MYCBPAP: variants seen among roughly 807,000 people sequenced by gnomAD.
MYCBPAP encodes the protein MYCBP-associated protein.
Under a neutral mutation model 106.1 loss-of-function variants are expected in MYCBPAP, and 60 were observed. The observed-to-expected ratio is 0.57, with a 90% CI of 0.46 to 0.70. The LOEUF is 0.70. Among genes scored for constraint, MYCBPAP ranks in the 30% least tolerant of loss-of-function variants. MYCBPAP has a pLI of 0.00. For missense variants in MYCBPAP, 1,064 were observed against 1,169.3 expected, an observed-to-expected ratio of 0.91 and a Z score of 1.31; for synonymous variants, 407 against 440.6, an observed-to-expected ratio of 0.92 and a Z score of 0.95.
intron 5 of MYCBPAP, 120 bp from the exon 6 acceptor site, chr17:50,518,854 C>A: frequency 1.4e-6 from 2 of 1,450,414 alleles, no homozygotes; most frequent in Non-Finnish European, 1.9e-6. Flanking sequence ...GAGTGTCTCA[C>A]TCTGAAGCTT....
chr17:50,519,196 G>C, intron 6 of MYCBPAP, 107 bp downstream of exon 6: 1 of 758,790 alleles, frequency 1.3e-6, no homozygotes, highest in Non-Finnish European at 2.2e-6. Flanking sequence ...CACAGCTGGG[G>C]AGAAAAAACC....
intron 1 of MYCBPAP, 76 bp downstream of exon 1, chr17:50,508,826 G>A (rs2033715223): frequency 6.9e-6 from 9 of 1,306,630 alleles, no homozygotes; most frequent in African/African-American, 5.9e-5. Context: ...CAGGACACGG[G>A]GCCTGGAGGA....
rs1413417965 is a variant in MYCBPAP, at chr17:50,521,998, G to GTC, written c.1177_1178dup (p.Met394ProfsTer36). 4.3e-6 allele frequency: 7 copies of GTC among 1,613,820 alleles called. No homozygotes were observed. In the East Asian group the frequency reaches 1.6e-4, roughly 36 times the overall value. The stretch of plus-strand genomic sequence containing the variant: ...AGGCACATTGGCCAGTTCCTCTGAT[G>GTC]TCTCCATGCCTATTCTCGGCCCTTC... On this transcript the variant is annotated frameshift_variant, in exon 10 of 19. Transcript: ENST00000323776. LOFTEE classifies it high-confidence loss of function.
chr17:50,527,312 A>G lies in MYCBPAP; in HGVS notation c.2195A>G (p.Asn732Ser). Residue 732 changes from asparagine (N) to serine (S), a missense_variant, in exon 15 of 19, where the codon AAC becomes AGC. Transcript: ENST00000323776. ...RKAVMVLPDE[N>S]HREDALMRLN... ...GCAGTGATGGTGCTCCCTGATGAGA[A>G]CCACAGAGAGGATGCGTTGATGAGG... 6.2e-7 allele frequency: 1 copy of G among 1,614,070 alleles called. No homozygotes were observed. The highest frequency in any genetic ancestry group is 1.7e-5 in the Admixed American group (1 of 60,010).
chr17:50,519,539 AAGCATCTGT>A, intron 6 of MYCBPAP, 92 bp from the exon 7 acceptor site: 1 of 1,367,814 alleles, frequency 7.3e-7, no homozygotes, highest in Non-Finnish European at 1.0e-6. Context: ...TCCCCAGAGG[AAGCATCTGT>A]AGCCTGTGGT....
At chr17:50,515,202 C>G (rs772807165) in intron 1 of MYCBPAP, among the ~76,000 whole-genome samples, 3 of 133,968 alleles carry the variant, frequency 2.2e-5, no homozygotes, top group Non-Finnish European at 4.6e-5. Context: ...AGGAAGCCCT[C>G]CCTGACTCCC....
rs777159405 is a variant in MYCBPAP at position 50,528,223 on chromosome 17, G to C, written c.2360G>C (p.Gly787Ala). The part of the protein sequence containing the change: ...GHSMWLRSVL[G>A]LPEKETIYLN... ...TCCATGTGGCTGAGGTCTGTGCTGG[G>C]CCTGCCTGAGAAGGAGACCATCTAT... Residue 787 changes from glycine (G) to alanine (A), a missense_variant, in exon 16 of 19, where the codon GGC becomes GCC. Physicochemically the swap from Gly to Ala is moderately conservative, Grantham distance 60 (BLOSUM62 0). Transcript: ENST00000323776. 6.2e-7 allele frequency: 1 copy of C among 1,614,122 alleles called. No individual in the cohort carries two copies. Among genetic ancestry groups the C allele is most frequent in the South Asian group, 1.1e-5 (1 of 91,050 alleles).
rs371634264 is a variant in MYCBPAP at position 50,526,038 on chromosome 17, G to A, written c.1940G>A (p.Arg647His). 3.0e-5 allele frequency: 49 copies of A among 1,613,932 alleles called. No individual in the cohort carries two copies. The highest frequency in any genetic ancestry group is 1.1e-4 in the African/African-American group (8 of 75,030). Residue 647 changes from arginine (R) to histidine (H), a missense_variant, in exon 14 of 19, where the codon CGC (arginine) becomes CAC (histidine). Arg to His is a conservative substitution (Grantham distance 29, BLOSUM62 0). Transcript: ENST00000323776. ...KASVNAELLP[R>H]FRSPISETQV... Reference sequence around the variant, plus strand: ...TCTGTGAATGCTGAGCTGTTACCACGCTTTAGGAGCCCCATCTCCGAAACT... The same window carrying A: ...TCTGTGAATGCTGAGCTGTTACCACACTTTAGGAGCCCCATCTCCGAAACT...
Position 50,522,709 on chromosome 17 carries a change from A to AAT in MYCBPAP, c.1258-215_1258-214dup, listed in dbSNP as rs1555620747. 176 of 50,084 alleles carry AAT rather than the reference A, an allele frequency of 3.5e-3. 17 individuals are homozygous for AAT. Among genetic ancestry groups the AAT allele is most frequent in the African/African-American group, 0.014 (114 of 8,378 alleles). 3.1% of individuals were successfully genotyped at this position (50,084 alleles called of 1,614,324 possible). A position where few individuals can be genotyped will look rare whatever the true frequency, so the allele number is the denominator to read the frequency against. ...AACTCTGTCTCAAAAAAAAAAAAAA[A>AAT]ATATATATATATATATTTGTTTTAT... On this transcript the variant is annotated intron_variant, in intron 10 of 18. Transcript: ENST00000323776.
At chr17:50,524,758 G>C in intron 12 of MYCBPAP, 119 bp from the exon 13 acceptor site, 1 of 930,468 alleles carries the variant, frequency 1.1e-6, no homozygotes, top group Non-Finnish European at 1.7e-6. Context: ...GAGAGAGAGA[G>C]ACAATGGCAG....
chr17:50,530,949 G>C lies in MYCBPAP; in HGVS notation c.2725-378G>C, dbSNP rs535253961. On this transcript the variant is annotated intron_variant, in intron 18 of 18. Coordinates refer to ENST00000323776, the MANE Select transcript of MYCBPAP (RefSeq NM_032133.6). ...GTGGATTGCTTGAGCCCAGGAGTTC[G>C]AGACTAGCCTGGGCAATGTGGTGAA... Among the ~76,000 whole-genome samples the C allele has an allele frequency of 5.3e-4, 80 of 152,212 alleles. 1 individual carries two copies. The highest frequency in any genetic ancestry group is 1.7e-3 in the Admixed American group (26 of 15,290).
rs61749933 is a variant in MYCBPAP, at chr17:50,529,098, G to T, written c.2634G>T (p.Leu878Phe). 6.2e-7 allele frequency: 1 copy of T among 1,614,056 alleles called. No homozygotes were observed. The highest frequency in any genetic ancestry group is 1.1e-5 in the South Asian group (1 of 91,078). Reference sequence around the variant, plus strand: ...CTGCAAGTCAGGACAGGTTTTCTTTGGAAGACCCTACCCCTGACATCATCC... The same window carrying T: ...CTGCAAGTCAGGACAGGTTTTCTTTTGAAGACCCTACCCCTGACATCATCC... The part of the protein sequence containing the change: ...IKSASQDRFS[L>F]EDPTPDIILS... The change falls in exon 18 of 19, where the codon TTG becomes TTT. Residue 878 changes from leucine to phenylalanine, a missense_variant. Leu to Phe is a conservative substitution (Grantham distance 22). Transcript: ENST00000323776.
chr17:50,521,150 G>A lies in MYCBPAP; in HGVS notation c.957G>A (p.Trp319Ter). The change falls in exon 8 of 19, where the codon TGG (tryptophan) becomes TGA (stop). Residue 319 changes from tryptophan (W) to a stop codon, truncating the protein, a stop_gained. Transcript: ENST00000323776. LOFTEE classifies it high-confidence loss of function. ...AQRDASYRYT[W>*]DRSLFLIYRR... ...GGGACGCTTCATACCGCTACACCTGGGATCGGAGTCTGTTTCTGATCTACC... is the reference window on the plus strand; with the variant it reads ...GGGACGCTTCATACCGCTACACCTGAGATCGGAGTCTGTTTCTGATCTACC... 6.2e-7 allele frequency: 1 copy of A among 1,613,730 alleles called. No homozygotes were observed. The highest frequency in any genetic ancestry group is 8.5e-7 in the Non-Finnish European group (1 of 1,179,970).
intron 1 of MYCBPAP, among the ~76,000 whole-genome samples, chr17:50,512,693 A>G (rs2033898086): frequency 6.6e-6 from 1 of 152,254 alleles, no homozygotes; most frequent in Non-Finnish European, 1.5e-5. Flanking sequence ...AGAAGGAGCC[A>G]TATCTTAACC....
Position 50,525,033 on chromosome 17 carries a change from A to C in MYCBPAP, c.1782+10A>C. The C allele has an allele frequency of 2.5e-6, 4 of 1,608,980 alleles. No homozygotes were observed. The highest frequency in any genetic ancestry group is 3.4e-6 in the Non-Finnish European group (4 of 1,176,680). On this transcript the variant is annotated intron_variant, in intron 13 of 18. Transcript: ENST00000323776. ...GCACAGAAATCCTCCGGTGAGGCCCAGCGCCAGCCCCTGCCCCCTCATGTG... is the reference window on the plus strand; with the variant it reads ...GCACAGAAATCCTCCGGTGAGGCCCCGCGCCAGCCCCTGCCCCCTCATGTG...
rs183471606 is a variant in MYCBPAP, at chr17:50,516,615, A to G, written c.122A>G (p.Gln41Arg). 31 of 1,614,228 alleles carry G rather than the reference A, an allele frequency of 1.9e-5. No individual in the cohort carries two copies. In the East Asian group the frequency reaches 6.7e-4, roughly 35 times the overall value. The change falls in exon 2 of 19, where the codon CAG becomes CGG. Residue 41 changes from glutamine (Q) to arginine (R), a missense_variant. Gln to Arg is a conservative substitution (Grantham distance 43). Transcript: ENST00000323776. ...CCTGAACAACCCACACCCACAATTC[A>G]GGAAGAGCCTGAACCTGTTAGCAAT... ...KGPEQPTPTI[Q>R]EEPEPVSNVL... is the part of the protein sequence containing the mutation.
At chr17:50,514,244 C>T (rs1031113329) in intron 1 of MYCBPAP, among the ~76,000 whole-genome samples, 1 of 152,062 alleles carries the variant, frequency 6.6e-6, no homozygotes, top group Non-Finnish European at 1.5e-5. Flanking sequence ...TTTTTTTGGC[C>T]ACCAACTCTA....
At chr17:50,508,976 G>C (rs1420933131) in intron 1 of MYCBPAP, 2 of 703,182 alleles carry the variant, frequency 2.8e-6, no homozygotes, top group African/African-American at 3.5e-5. Flanking sequence ...GTGGGAGACT[G>C]ACAGAGGGGC....
intron 10 of MYCBPAP, chr17:50,522,709 A>AAAATATAT: frequency 1.4e-4 from 7 of 50,044 alleles, no homozygotes; most frequent in African/African-American, 8.4e-4. Context: ...AAAAAAAAAA[A>AAAATATAT]ATATATATAT....
Sources: gnomAD v4.1 joint callset for allele counts (sites outside exome capture counted in the v4.1 genomes callset) on GRCh38, gnomAD v4.1.1 for gene constraint, MANE v1.5 for transcripts, NCBI Gene and HGNC (gene_info 2026-07-23, HGNC 2026-07-21) for gene names.